The following GPA33 variants were observed in gnomAD, a reference collection of about 807,000 sequenced individuals.
GPA33 encodes the protein glycoprotein A33.
Under a neutral mutation model 35.6 loss-of-function variants are expected in GPA33, and 27 were observed. The observed-to-expected ratio is 0.76, with a 90% CI of 0.56 to 1.04. The LOEUF (loss-of-function observed/expected upper bound fraction) is 1.04, where lower values mean the gene tolerates loss of function less well. Ranked by LOEUF, GPA33 falls within the 50% of genes least tolerant of loss-of-function variation. GPA33 has a pLI of 0.00. For synonymous variants in GPA33, 176 were observed against 164.0 expected, an observed-to-expected ratio of 1.07 and a Z score of -0.56; for missense variants, 428 against 411.9, an observed-to-expected ratio of 1.04 and a Z score of -0.34.
In GPA33 at chr1:167,054,216, C is replaced by G; in HGVS notation, c.*118G>C. ...ACAGCTGACACTGGGGAAGAAATGT[C>G]CCCATCAATGTCTGGGATGGAGGGA... On this transcript the variant is annotated 3_prime_UTR_variant, in exon 7 of 7. Transcript: ENST00000367868. 1 of 1,306,944 alleles carries G rather than the reference C, an allele frequency of 7.7e-7. No individual in the cohort carries two copies. Among genetic ancestry groups the G allele is most frequent in the South Asian group, 1.3e-5 (1 of 75,850 alleles). 81.0% of individuals were successfully genotyped at this position (1,306,944 alleles called of 1,614,324 possible).
In GPA33 at chr1:167,063,712, G is replaced by T; in HGVS notation, c.441C>A (p.Gly147=). 3 of 1,613,308 alleles carry T rather than the reference G, an allele frequency of 1.9e-6. No individual in the cohort carries two copies. The highest frequency in any genetic ancestry group is 2.5e-6 in the Non-Finnish European group (3 of 1,179,938). ...VLVPPSKPEC[G]IEGETIIGNN... is the part of the protein sequence containing the mutation. Reference sequence around the variant, plus strand: ...TCCCAATTATGGTCTCTCCCTCGATGCCGCATTCTGGTTTGGAGGGTGGCA... The same window carrying T: ...TCCCAATTATGGTCTCTCCCTCGATTCCGCATTCTGGTTTGGAGGGTGGCA... The change falls in exon 4 of 7, where the codon GGC becomes GGA. Residue 147 remains glycine, a synonymous_variant. Coordinates refer to ENST00000367868, the MANE Select transcript of GPA33 (RefSeq NM_005814.3).
At chr1:167,089,544 C>CCA (rs1219104787) in intron 1 of GPA33, among the ~76,000 whole-genome samples, 21 of 152,342 alleles carry the variant, frequency 1.4e-4, no homozygotes, top group African/African-American at 5.1e-4. Flanking sequence ...CCAAGACTTT[C>CCA]ATTCTAACCC....
chr1:167,077,368 G>A (rs1246289783), intron 1 of GPA33, among the ~76,000 whole-genome samples: 2 of 152,166 alleles, frequency 1.3e-5, no homozygotes, highest in Non-Finnish European at 2.9e-5. Context: ...GCCTGGTGTA[G>A]TCATGGCAAC....
intron 5 of GPA33, among the ~76,000 whole-genome samples, chr1:167,055,495 G>A (rs751923426): frequency 3.2e-4 from 49 of 152,270 alleles, no homozygotes; most frequent in African/African-American, 1.2e-3. Flanking sequence ...AAGCCTCTGA[G>A]TCCTAGAAGT....
At chr1:167,063,435 G>A in intron 4 of GPA33, 147 bp downstream of exon 4, 1 of 640,866 alleles carries the variant, frequency 1.6e-6, no homozygotes, top group Non-Finnish European at 2.7e-6. Flanking sequence ...TGCTTAGAGA[G>A]GTGGGGATAG....
intron 1 of GPA33, among the ~76,000 whole-genome samples, chr1:167,076,338 G>A (rs1347684329): frequency 6.6e-6 from 1 of 152,124 alleles, no homozygotes; most frequent in Non-Finnish European, 1.5e-5. Flanking sequence ...AACAGGATGT[G>A]GCTAAAGGTG....
At chr1:167,065,070 G>A (rs1666562395) in intron 3 of GPA33, among the ~76,000 whole-genome samples, 1 of 152,200 alleles carries the variant, frequency 6.6e-6, no homozygotes, top group Non-Finnish European at 1.5e-5. Flanking sequence ...CCATTGTGGA[G>A]CTGGGTTCAT....
At chr1:167,076,379 G>C (rs1466091468) in intron 1 of GPA33, among the ~76,000 whole-genome samples, 1 of 152,014 alleles carries the variant, frequency 6.6e-6, no homozygotes, top group Admixed American at 6.6e-5. Context: ...GTGGTAGAAG[G>C]GTGAGCAAGT....
intron 1 of GPA33, among the ~76,000 whole-genome samples, chr1:167,088,922 T>A (rs188513379): frequency 6.6e-6 from 1 of 152,260 alleles, no homozygotes; most frequent in East Asian, 1.9e-4. Context: ...CCTGCCTGAA[T>A]CTGATGGCTG....
chr1:167,056,592 T>TG (rs1666264861), intron 4 of GPA33, among the ~76,000 whole-genome samples: 9 of 204 alleles, frequency 0.044, 1 homozygote, highest in East Asian at 0.17. Context: ...GTGTGGTATG[T>TG]GTGTATGTGG....
intron 1 of GPA33, among the ~76,000 whole-genome samples, chr1:167,087,932 A>ACACAC (rs374217623): frequency 1.3e-5 from 2 of 151,790 alleles, no homozygotes; most frequent in African/African-American, 2.4e-5. Flanking sequence ...ACACACACAC[A>ACACAC]AAGCAGACCA....
At chr1:167,087,518 G>C (rs1022466452) in intron 1 of GPA33, among the ~76,000 whole-genome samples, 1 of 152,174 alleles carries the variant, frequency 6.6e-6, no homozygotes, top group Non-Finnish European at 1.5e-5. Context: ...AGCCCCCTTT[G>C]GTCCCCTGGG....
In GPA33 at chr1:167,081,741, C is replaced by T. The variant is rs868624687; in HGVS notation, c.44-8202G>A. 4.6e-5 allele frequency among the ~76,000 whole-genome samples: 7 copies of T among 152,160 alleles called. No homozygotes were observed. The East Asian group carries it at 7.7e-4, about 17-fold the overall frequency. On this transcript the variant is annotated intron_variant, in intron 1 of 6. Transcript: ENST00000367868. ...ATGTATCCCAGGTACATGTAGTTCTCGTGTTGATATGGGCTGTGCATCAGG... is the reference window on the plus strand; with the variant it reads ...ATGTATCCCAGGTACATGTAGTTCTTGTGTTGATATGGGCTGTGCATCAGG...
At chr1:167,069,975 C>A (rs1053655087) in intron 2 of GPA33, among the ~76,000 whole-genome samples, 2 of 152,164 alleles carry the variant, frequency 1.3e-5, no homozygotes, top group African/African-American at 2.4e-5. Context: ...GATAGACAAC[C>A]AAACCTTGCA....
rs181506324 is a variant in GPA33 at position 167,077,303 on chromosome 1, G to A, written c.44-3764C>T. 1.1e-3 allele frequency among the ~76,000 whole-genome samples: 168 copies of A among 152,108 alleles called. 3 individuals are homozygous for A. The highest frequency in any genetic ancestry group is 8.7e-3 in the South Asian group (42 of 4,808). ...TGCTTCAATGGAGCCCTCCAGTGCCGTCTGCCCAGCTCCCAGCTATAGCAG... is the reference window on the plus strand; with the variant it reads ...TGCTTCAATGGAGCCCTCCAGTGCCATCTGCCCAGCTCCCAGCTATAGCAG... On this transcript the variant is annotated intron_variant, in intron 1 of 6. Coordinates refer to ENST00000367868, the MANE Select transcript of GPA33 (RefSeq NM_005814.3).
In GPA33 at chr1:167,057,891, T is replaced by C. The variant is rs182868264; in HGVS notation, c.572-2042A>G. 1.7e-3 allele frequency among the ~76,000 whole-genome samples: 254 copies of C among 152,356 alleles called. 4 individuals carry two copies. Among genetic ancestry groups the C allele is most frequent in the East Asian group, 0.013 (66 of 5,192 alleles). ...TCAGGTCTAGAACTCCCTGGAGCCA[T>C]TGATAATTTTCTTTTAAAAATTTGT... On this transcript the variant is annotated intron_variant, in intron 4 of 6. Coordinates refer to ENST00000367868, the MANE Select transcript of GPA33 (RefSeq NM_005814.3).
chr1:167,084,643 C>T (rs912170642), intron 1 of GPA33, among the ~76,000 whole-genome samples: 2 of 152,182 alleles, frequency 1.3e-5, no homozygotes, highest in Non-Finnish European at 2.9e-5. Flanking sequence ...GAGGCACAAG[C>T]TTGTCTGTGG....
chr1:167,059,441 T>G lies in GPA33; in HGVS notation c.572-3592A>C, dbSNP rs570705793. Among the ~76,000 whole-genome samples, 11 of 152,244 alleles carry G rather than the reference T, an allele frequency of 7.2e-5. No homozygotes were observed. The South Asian group carries it at 2.1e-3, about 29-fold the overall frequency. On this transcript the variant is annotated intron_variant, in intron 4 of 6. Coordinates refer to ENST00000367868, the MANE Select transcript of GPA33 (RefSeq NM_005814.3). ...AGAACCTCCTGTCTCACCAAGACGC[T>G]AATGTCACGTTGACAAGACCTAACG...
intron 1 of GPA33, among the ~76,000 whole-genome samples, chr1:167,089,380 C>T (rs528526060): frequency 1.3e-5 from 2 of 152,296 alleles, no homozygotes; most frequent in South Asian, 4.1e-4. Context: ...CAGCTGGATC[C>T]TGGAAGCCCT....
Sources: allele counts gnomAD v4.1 joint callset (sites outside exome capture counted in the v4.1 genomes callset), GRCh38; gene constraint gnomAD v4.1.1; transcripts MANE v1.5; gene names NCBI Gene and HGNC (gene_info 2026-07-23, HGNC 2026-07-21).